The following CDKL5 variants were observed in gnomAD, a reference collection of about 807,000 sequenced individuals.
CDKL5 encodes cyclin-dependent kinase-like 5.
CDKL5 carries 8 observed loss-of-function variants against 61.7 expected under a neutral mutation model. The observed-to-expected ratio is 0.13, with a 90% CI of 0.08 to 0.23. The LOEUF is 0.23. Among genes scored for constraint, CDKL5 ranks in the 10% least tolerant of loss-of-function variants. CDKL5 has a pLI of 1.00. For synonymous variants in CDKL5, 275 were observed against 272.3 expected (o/e 1.01, Z -0.10); for missense variants, 440 against 734.5 (o/e 0.60, Z 4.63).
chrX:18,573,240 T>G (rs1265362910), intron 4 of CDKL5, among the ~76,000 whole-genome samples: 1 of 111,986 alleles, frequency 8.9e-6, no homozygotes, highest in Admixed American at 9.5e-5. Flanking sequence ...TGTCTCTTGT[T>G]AAATTAGTCC....
At chrX:18,525,744 CT>C (rs778200388) in intron 3 of CDKL5, among the ~76,000 whole-genome samples, 4,817 of 75,576 alleles carry the variant, frequency 0.064, 162 homozygotes, top group East Asian at 0.15. Flanking sequence ...AATATTGAGT[CT>C]TTTTTTTTTT....
At chrX:18,473,191 T>C (rs1921167426) in intron 1 of CDKL5, among the ~76,000 whole-genome samples, 1 of 110,047 alleles carries the variant, frequency 9.1e-6, no homozygotes, top group Non-Finnish European at 1.9e-5. Context: ...GCTCCTGACT[T>C]GAAGTGATCC....
chrX:18,483,699 T>G (rs760646979), intron 1 of CDKL5, among the ~76,000 whole-genome samples: 16 of 110,814 alleles, frequency 1.4e-4, no homozygotes, highest in Admixed American at 9.7e-4. Context: ...GGATTACAGG[T>G]GTGAGCCACC....
chrX:18,646,167 TCTGAG>T, intron 20 of CDKL5: 1 of 1,193,120 alleles, frequency 8.4e-7, no homozygotes, highest in Non-Finnish European at 1.1e-6. Flanking sequence ...TTTTTTCCTT[TCTGAG>T]ACAGAGTCTT....
At chrX:18,438,719 G>A (rs1276259919) in intron 1 of CDKL5, among the ~76,000 whole-genome samples, 1 of 104,396 alleles carries the variant, frequency 9.6e-6, no homozygotes, top group Admixed American at 1.0e-4. Flanking sequence ...GAACCCTGGA[G>A]GCGGAGGTTG....
chrX:18,509,118 A>G (rs1053730022), intron 2 of CDKL5, among the ~76,000 whole-genome samples: 15 of 97,378 alleles, frequency 1.5e-4, no homozygotes, highest in Non-Finnish European at 2.9e-4. Flanking sequence ...ACACACACAC[A>G]CACACACACA....
intron 1 of CDKL5, among the ~76,000 whole-genome samples, chrX:18,490,954 G>A (rs1045311410): frequency 1.4e-4 from 16 of 111,872 alleles, no homozygotes; most frequent in Middle Eastern, 4.7e-3. Flanking sequence ...TCCATGCCTC[G>A]CAAAGTTGCT....
chrX:18,448,894 T>A (rs547817703), intron 1 of CDKL5, among the ~76,000 whole-genome samples: 2 of 112,402 alleles, frequency 1.8e-5, no homozygotes, highest in African/African-American at 6.4e-5. Context: ...CTCACTCTGT[T>A]GCCCAGGCTG....
intron 1 of CDKL5, among the ~76,000 whole-genome samples, chrX:18,461,443 C>T (rs1932285628): frequency 8.9e-6 from 1 of 112,119 alleles, no homozygotes; most frequent in African/African-American, 3.2e-5. Context: ...ATAGTATAGA[C>T]CTACCATATC....
Position 18,564,263 on chromosome X carries a change from C to G in CDKL5, c.100-214C>G, listed in dbSNP as rs193038939. ...CTGCTCTTTGCTCCACACCCTCTCC[C>G]TTTCTCCTTTCCCTTCCTTGACAAT... On this transcript the variant is annotated intron_variant, in intron 3 of 17. Transcript: ENST00000623535. Among the ~76,000 whole-genome samples the G allele has an allele frequency of 2.7e-5, 3 of 111,113 alleles. No individual in the cohort carries two copies. In the Admixed American group the frequency reaches 2.9e-4, roughly 11 times the overall value.
chrX:18,471,952 G>T, intron 1 of CDKL5, among the ~76,000 whole-genome samples: 1 of 111,075 alleles, frequency 9.0e-6, no homozygotes, highest in Non-Finnish European at 1.9e-5. Flanking sequence ...TGTTGGCCAG[G>T]CTGGTCTCGA....
intron 1 of CDKL5, chrX:18,426,990 G>A (rs1231606039): frequency 8.9e-6 from 1 of 111,834 alleles, no homozygotes; most frequent in Non-Finnish European, 1.9e-5. Context: ...TTCACAAAAT[G>A]TGAAGAGGCT....
At chrX:18,518,388 A>ATTTTTTTTTTTTTTTTTTTTTCTTT (rs1923113462) in intron 3 of CDKL5, among the ~76,000 whole-genome samples, 1 of 21,163 alleles carries the variant, frequency 4.7e-5, no homozygotes, top group African/African-American at 1.6e-4. Context: ...TTCTTTTCTT[A>ATTTTTTTTTTTTTTTTTTTTTCTTT]TTTTTTTTTT....
intron 1 of CDKL5, among the ~76,000 whole-genome samples, chrX:18,504,679 C>T (rs1428239132): frequency 1.8e-5 from 2 of 111,321 alleles, no homozygotes; most frequent in African/African-American, 6.5e-5. Context: ...CGCCTGTAAT[C>T]CCAGCACTTT....
rs183594085 is a variant in CDKL5, at chrX:18,612,330, A to G, written c.2153-822A>G. Among the ~76,000 whole-genome samples the G allele has an allele frequency of 1.2e-4, 13 of 111,681 alleles. No homozygotes were observed. The East Asian group carries it at 2.2e-3, about 19-fold the overall frequency. Reference sequence around the variant, plus strand: ...AAAGCTTTAACTTCAAAGAATGCCAAAACGGTGGCAGGGAATGGTGGTAGG... The same window carrying G: ...AAAGCTTTAACTTCAAAGAATGCCAGAACGGTGGCAGGGAATGGTGGTAGG... On this transcript the variant is annotated intron_variant, in intron 14 of 17. Transcript: ENST00000623535.
intron 1 of CDKL5, among the ~76,000 whole-genome samples, chrX:18,440,480 T>A (rs576577827): frequency 2.7e-5 from 3 of 111,221 alleles, no homozygotes; most frequent in African/African-American, 9.8e-5. Flanking sequence ...TGTGTGTGTT[T>A]TGGGTTTTTT....
At position 18,553,465 on chromosome X, in the gene CDKL5, C is replaced by CTT. The variant is rs1459635424; in HGVS notation, c.100-11012_100-11011insTT. 7.3e-3 allele frequency among the ~76,000 whole-genome samples: 660 copies of CTT among 90,828 alleles called. 7 individuals carry two copies. Among genetic ancestry groups the CTT allele is most frequent in the African/African-American group, 0.026 (646 of 24,979 alleles). The allele number at this position is 90,828 out of a possible 115,157, so 78.9% of individuals were successfully genotyped here. ...GCTTGAAGGCAGTTGTGTGTGTGTGCGTGTGTGTGTGTGTGTGTGTGTGTG... is the reference window on the plus strand; with the variant it reads ...GCTTGAAGGCAGTTGTGTGTGTGTGCTTGTGTGTGTGTGTGTGTGTGTGTGTG... On this transcript the variant is annotated intron_variant, in intron 3 of 17. Coordinates refer to ENST00000623535, the MANE Select transcript of CDKL5 (RefSeq NM_001323289.2).
intron 1 of CDKL5, among the ~76,000 whole-genome samples, chrX:18,468,608 A>G (rs929075909): frequency 8.9e-6 from 1 of 112,440 alleles, no homozygotes; most frequent in African/African-American, 3.2e-5. Flanking sequence ...GAGTTTTTCT[A>G]GATACGGTAA....
chrX:18,503,876 G>T (rs1922474408), intron 1 of CDKL5, among the ~76,000 whole-genome samples: 1 of 108,738 alleles, frequency 9.2e-6, no homozygotes, highest in South Asian at 4.0e-4. Context: ...GAGAGTAGCT[G>T]GGACTACAGG....
Sources: allele counts gnomAD v4.1 joint callset (sites outside exome capture counted in the v4.1 genomes callset), GRCh38; gene constraint gnomAD v4.1.1; transcripts MANE v1.5; gene names NCBI Gene and HGNC (gene_info 2026-07-23, HGNC 2026-07-21).